WDR17: variants seen among roughly 807,000 people sequenced by gnomAD.
WDR17 encodes WD repeat domain 17, also known as WD repeat-containing protein 17.
Under a neutral mutation model 161.7 loss-of-function variants are expected in WDR17, and 143 were observed. That is an observed-to-expected ratio of 0.88 (90% confidence interval 0.77 to 1.02). The LOEUF (loss-of-function observed/expected upper bound fraction) is 1.02, where lower values mean the gene tolerates loss of function less well. Among genes scored for constraint, WDR17 ranks in the 50% least tolerant of loss-of-function variants. The pLI is 0.00. For missense variants in WDR17, 1,469 were observed against 1,520.9 expected (o/e 0.97, Z 0.57); for synonymous variants, 517 against 515.6 (o/e 1.00, Z -0.04).
intron 11 of WDR17, among the ~76,000 whole-genome samples, 183 bp from the exon 12 acceptor site, chr4:176,145,812 T>C (rs1451488741): frequency 1.3e-5 from 2 of 152,214 alleles, no homozygotes; most frequent in Non-Finnish European, 2.9e-5. Flanking sequence ...ACCATACTGG[T>C]GCAGTTTCTG....
intron 1 of WDR17, among the ~76,000 whole-genome samples, chr4:176,095,609 C>T (rs1736730037): frequency 6.6e-6 from 1 of 151,752 alleles, no homozygotes; most frequent in African/African-American, 2.4e-5. Flanking sequence ...CCTCCCCTAC[C>T]CTCCTTCCTT....
At chr4:176,092,146 A>T (rs910183021) in intron 1 of WDR17, among the ~76,000 whole-genome samples, 1 of 152,194 alleles carries the variant, frequency 6.6e-6, no homozygotes, top group Non-Finnish European at 1.5e-5. Flanking sequence ...CCCAACAAAA[A>T]AAGAAAATTA....
intron 19 of WDR17, among the ~76,000 whole-genome samples, 160 bp downstream of exon 19, chr4:176,160,286 A>G (rs186084346): frequency 2.9e-3 from 449 of 152,260 alleles, no homozygotes; most frequent in Middle Eastern, 0.014. Flanking sequence ...TTGAGAACAT[A>G]CTATTTTCTG....
chr4:176,121,564 G>A (rs1323546291), intron 4 of WDR17, among the ~76,000 whole-genome samples: 1 of 152,068 alleles, frequency 6.6e-6, no homozygotes, highest in African/African-American at 2.4e-5. Flanking sequence ...TATGAGGAGT[G>A]TGTTTTTATT....
chr4:176,172,993 C>T (rs990722661), intron 24 of WDR17, among the ~76,000 whole-genome samples: 1 of 152,060 alleles, frequency 6.6e-6, no homozygotes, highest in Non-Finnish European at 1.5e-5. Flanking sequence ...CTAGAGAGAA[C>T]GAACATCCAA....
chr4:176,119,838 A>T, intron 3 of WDR17, 29 bp from the exon 4 acceptor site: 1 of 1,576,928 alleles, frequency 6.3e-7, no homozygotes, highest in Non-Finnish European at 8.7e-7. Flanking sequence ...CTGTATCTTT[A>T]TTATGTATCT....
At chr4:176,175,921 T>C (rs1751388156) in intron 26 of WDR17, among the ~76,000 whole-genome samples, 3 of 152,192 alleles carry the variant, frequency 2.0e-5, no homozygotes, top group Admixed American at 1.3e-4. Context: ...GGTTTTCTCA[T>C]TCCTAACTTC....
intron 4 of WDR17, among the ~76,000 whole-genome samples, chr4:176,122,987 G>A (rs1055005139): frequency 6.6e-6 from 1 of 152,104 alleles, no homozygotes; most frequent in Non-Finnish European, 1.5e-5. Context: ...ATTATTTACT[G>A]GATTTTCTTG....
intron 1 of WDR17, among the ~76,000 whole-genome samples, chr4:176,095,506 A>C (rs891868494): frequency 6.6e-6 from 1 of 152,140 alleles, no homozygotes; most frequent in African/African-American, 2.4e-5. Context: ...TATATTTCAT[A>C]CTTGTGTATC....
chr4:176,097,187 G>T (rs751549752), intron 1 of WDR17, among the ~76,000 whole-genome samples: 48 of 151,854 alleles, frequency 3.2e-4, no homozygotes, highest in Non-Finnish European at 6.6e-4. Flanking sequence ...AATGGATTTA[G>T]TCTAGAATAA....
intron 4 of WDR17, among the ~76,000 whole-genome samples, chr4:176,123,196 A>C (rs1158454793): frequency 6.6e-6 from 1 of 152,086 alleles, no homozygotes; most frequent in Non-Finnish European, 1.5e-5. Context: ...TTATTTTAGG[A>C]ATGTTGTTGA....
chr4:176,179,380 G>C, intron 28 of WDR17, 80 bp from the exon 29 acceptor site: 1 of 1,306,954 alleles, frequency 7.7e-7, no homozygotes, highest in Non-Finnish European at 1.0e-6. Flanking sequence ...TTTTATTGCA[G>C]TGATTCTCTT....
At chr4:176,163,484 A>C (rs1749343238) in intron 22 of WDR17, among the ~76,000 whole-genome samples, 191 bp downstream of exon 22, 1 of 152,178 alleles carries the variant, frequency 6.6e-6, no homozygotes, top group African/African-American at 2.4e-5. Context: ...TGTATAATGA[A>C]ATTTGCCATG....
rs1737059040 is a variant in WDR17, at chr4:176,097,415, A to C, written c.-6-14160A>C. Among the ~76,000 whole-genome samples the C allele has an allele frequency of 1.3e-5, 2 of 151,968 alleles. 1 individual carries two copies. The highest frequency in any genetic ancestry group is 2.9e-5 in the Non-Finnish European group (2 of 67,906). The stretch of plus-strand genomic sequence containing the variant: ...TTTTCTTGAGATTCCCATCCTAAGC[A>C]CATTAATTACAGATATTTTCTCAGT... On this transcript the variant is annotated intron_variant, in intron 1 of 28. Coordinates refer to ENST00000508596, the MANE Select transcript of WDR17 (RefSeq NM_181265.4).
intron 1 of WDR17, among the ~76,000 whole-genome samples, chr4:176,074,169 C>G (rs1366654040): frequency 1.3e-5 from 2 of 151,542 alleles, no homozygotes; most frequent in African/African-American, 4.8e-5. Context: ...GACATGAAGT[C>G]CTTGCCCATG....
chr4:176,100,442 T>C (rs920216509), intron 1 of WDR17, among the ~76,000 whole-genome samples: 1 of 152,170 alleles, frequency 6.6e-6, no homozygotes, highest in African/African-American at 2.4e-5. Context: ...TGTATTTTTG[T>C]TGTCATTGAG....
intron 18 of WDR17, among the ~76,000 whole-genome samples, chr4:176,159,012 A>G (rs1748588548): frequency 1.3e-5 from 2 of 152,216 alleles, no homozygotes; most frequent in Non-Finnish European, 2.9e-5. Context: ...GAATACTTCG[A>G]TGACTCTATG....
intron 26 of WDR17, among the ~76,000 whole-genome samples, chr4:176,175,995 A>C (rs1751398782): frequency 6.6e-6 from 1 of 152,232 alleles, no homozygotes; most frequent in African/African-American, 2.4e-5. Flanking sequence ...TATGGAATTA[A>C]TACTATCAGC....
chr4:176,106,238 A>T (rs540529322), intron 1 of WDR17, among the ~76,000 whole-genome samples: 1 of 152,098 alleles, frequency 6.6e-6, no homozygotes, highest in African/African-American at 2.4e-5. Context: ...AAAGGCAGTT[A>T]TATAGACCAG....
Sources: allele counts gnomAD v4.1 joint callset (sites outside exome capture counted in the v4.1 genomes callset), GRCh38; gene constraint gnomAD v4.1.1; transcripts MANE v1.5; gene names NCBI Gene and HGNC (gene_info 2026-07-23, HGNC 2026-07-21).